The following EFCAB11 variants were observed in gnomAD, a reference collection of about 807,000 sequenced individuals.
EFCAB11 encodes the protein EF-hand calcium binding domain 11.
EFCAB11 carries 14 observed loss-of-function variants against 23.0 expected under a neutral mutation model. The observed-to-expected ratio is 0.61, with a 90% CI of 0.40 to 0.95. The LOEUF (loss-of-function observed/expected upper bound fraction) is 0.95, where lower values mean the gene tolerates loss of function less well. Among genes scored for constraint, EFCAB11 ranks in the 40% least tolerant of loss-of-function variants. The probability of loss-of-function intolerance (pLI) is 0.00; values close to 1 mark genes in which losing one functional copy is unlikely to be tolerated. For missense variants in EFCAB11, 198 were observed against 195.8 expected (o/e 1.01, Z -0.07); for synonymous variants, 65 against 66.6 (o/e 0.98, Z 0.11).
At chr14:89,924,123 C>A (rs963002712) in intron 5 of EFCAB11, 1 of 985,850 alleles carries the variant, frequency 1.0e-6, no homozygotes, top group Non-Finnish European at 1.2e-6. Context: ...ACCCAGCCCC[C>A]ACTAATACTC....
intron 5 of EFCAB11, among the ~76,000 whole-genome samples, chr14:89,905,092 A>G (rs1889456454): frequency 6.6e-6 from 1 of 152,180 alleles, no homozygotes; most frequent in Non-Finnish European, 1.5e-5. Context: ...GTGCATGCAC[A>G]GGGATGGAAG....
At chr14:89,903,248 T>C (rs1302799400) in intron 5 of EFCAB11, among the ~76,000 whole-genome samples, 2 of 152,258 alleles carry the variant, frequency 1.3e-5, no homozygotes, top group East Asian at 1.9e-4. Context: ...TATAGTGAGA[T>C]ATTTTGTCTC....
chr14:89,838,572 T>C (rs191505181), intron 5 of EFCAB11, among the ~76,000 whole-genome samples: 4 of 151,868 alleles, frequency 2.6e-5, no homozygotes, highest in Admixed American at 2.6e-4. Flanking sequence ...AAATATCAGA[T>C]TAAGGGAGAA....
chr14:89,830,956 G>T (rs925446841), intron 5 of EFCAB11: 1 of 152,232 alleles, frequency 6.6e-6, no homozygotes, highest in Admixed American at 6.5e-5. Context: ...ACCTATCATA[G>T]GTGAGATGAG....
At chr14:89,880,793 C>A (rs981981637) in intron 5 of EFCAB11, among the ~76,000 whole-genome samples, 3 of 152,088 alleles carry the variant, frequency 2.0e-5, no homozygotes, top group Non-Finnish European at 4.4e-5. Context: ...TAAAATTAAA[C>A]TAATATTACT....
chr14:89,804,071 C>A (rs957731075), intron 5 of EFCAB11, among the ~76,000 whole-genome samples: 2 of 152,222 alleles, frequency 1.3e-5, no homozygotes, highest in Non-Finnish European at 2.9e-5. Context: ...CGCTATGCAA[C>A]CTCCTTTGAC....
chr14:89,839,928 AG>A (rs556443680), intron 5 of EFCAB11, among the ~76,000 whole-genome samples: 36 of 152,302 alleles, frequency 2.4e-4, no homozygotes, highest in African/African-American at 8.2e-4. Context: ...ACCTCGCACC[AG>A]GCCCCATCTC....
chr14:89,912,121 C>G (rs1283397248), intron 5 of EFCAB11, among the ~76,000 whole-genome samples: 1 of 152,152 alleles, frequency 6.6e-6, no homozygotes. Flanking sequence ...AGTGGCTAAT[C>G]AACAAGCATT....
intron 3 of EFCAB11, among the ~76,000 whole-genome samples, chr14:89,944,593 T>C (rs1353506556): frequency 6.6e-6 from 1 of 152,148 alleles, no homozygotes; most frequent in Non-Finnish European, 1.5e-5. Context: ...CAAAACTCTC[T>C]GTAGATTGGA....
At chr14:89,797,647 G>A (rs1410195706) in intron 5 of EFCAB11, among the ~76,000 whole-genome samples, 6 of 152,112 alleles carry the variant, frequency 3.9e-5, no homozygotes, top group Non-Finnish European at 4.4e-5. Context: ...AAAAACATAT[G>A]CAGGCCAGAT....
At chr14:89,922,915 T>G (rs1345664311) in intron 5 of EFCAB11, among the ~76,000 whole-genome samples, 1 of 152,190 alleles carries the variant, frequency 6.6e-6, no homozygotes. Context: ...GCTTTCAAGA[T>G]AAGAAATATC....
At chr14:89,928,726 C>A (rs1890275697) in intron 5 of EFCAB11, among the ~76,000 whole-genome samples, 1 of 143,876 alleles carries the variant, frequency 7.0e-6, no homozygotes, top group Non-Finnish European at 1.5e-5. Context: ...ATATATAATT[C>A]TGTTGTATAT....
rs147319825 is a variant in EFCAB11 at position 89,820,774 on chromosome 14, T to C, written c.411-23450A>G. Among the ~76,000 whole-genome samples, 1,004 of 152,248 alleles carry C rather than the reference T, an allele frequency of 6.6e-3. 8 individuals are homozygous for C. The highest frequency in any genetic ancestry group is 0.023 in the African/African-American group (965 of 41,544). On this transcript the variant is annotated intron_variant, in intron 5 of 5. Transcript: ENST00000316738. ...GGTATAAAAATGAGTAATAGATGTA[T>C]GATGGTTAATTTTATGTGTTACCTT...
intron 5 of EFCAB11, among the ~76,000 whole-genome samples, chr14:89,866,895 T>C (rs1888109812): frequency 6.6e-6 from 1 of 152,228 alleles, no homozygotes; most frequent in Non-Finnish European, 1.5e-5. Context: ...CTCAGTCTCC[T>C]GAGTAGCGGG....
chr14:89,798,924 CT>C (rs1194378903), intron 5 of EFCAB11, among the ~76,000 whole-genome samples: 1 of 152,166 alleles, frequency 6.6e-6, no homozygotes, highest in African/African-American at 2.4e-5. Context: ...GTAGCTAAGA[CT>C]ACAGGCACCC....
chr14:89,845,650 G>A (rs1887408064), intron 5 of EFCAB11, among the ~76,000 whole-genome samples: 1 of 152,156 alleles, frequency 6.6e-6, no homozygotes, highest in South Asian at 2.1e-4. Context: ...ACTTCTGCGG[G>A]GCTTTGGGAA....
At position 89,875,662 on chromosome 14, in the gene EFCAB11, T is replaced by C. The variant is rs555646463; in HGVS notation, c.410+55879A>G. Reference sequence around the variant, plus strand: ...AGAAGGATCAGCAGGTTAAAGGTAATATAAACCATTTAGAATATGTGGAGT... The same window carrying C: ...AGAAGGATCAGCAGGTTAAAGGTAACATAAACCATTTAGAATATGTGGAGT... On this transcript the variant is annotated intron_variant, in intron 5 of 5. Coordinates refer to ENST00000316738, the MANE Select transcript of EFCAB11 (RefSeq NM_145231.4). 1.8e-4 allele frequency among the ~76,000 whole-genome samples: 27 copies of C among 152,242 alleles called. No homozygotes were observed. In the South Asian group the frequency reaches 5.6e-3, roughly 32 times the overall value.
intron 5 of EFCAB11, among the ~76,000 whole-genome samples, chr14:89,817,263 C>T (rs1016869214): frequency 6.6e-6 from 1 of 152,060 alleles, no homozygotes; most frequent in Non-Finnish European, 1.5e-5. Context: ...CACCTGTAAC[C>T]CCAGTGCTTT....
At chr14:89,811,883 G>T (rs1233867013) in intron 5 of EFCAB11, among the ~76,000 whole-genome samples, 3 of 152,180 alleles carry the variant, frequency 2.0e-5, no homozygotes, top group Non-Finnish European at 4.4e-5. Context: ...CAAAGGAGAT[G>T]ATCATGAATT....
Sources: allele counts gnomAD v4.1 joint callset (sites outside exome capture counted in the v4.1 genomes callset), GRCh38; gene constraint gnomAD v4.1.1; transcripts MANE v1.5; gene names NCBI Gene and HGNC (gene_info 2026-07-23, HGNC 2026-07-21).